The following MTDH variants were observed in gnomAD, a reference collection of about 807,000 sequenced individuals.
The protein encoded by MTDH is protein LYRIC.
Under a neutral mutation model 72.7 loss-of-function variants are expected in MTDH, and 34 were observed. The observed-to-expected ratio is 0.47, with a 90% CI of 0.36 to 0.62. The LOEUF (loss-of-function observed/expected upper bound fraction) is 0.62, where lower values mean the gene tolerates loss of function less well. Among genes scored for constraint, MTDH ranks in the 20% least tolerant of loss-of-function variants. The probability of loss-of-function intolerance (pLI) is 0.00; values close to 1 mark genes in which losing one functional copy is unlikely to be tolerated. For synonymous variants in MTDH, 266 were observed against 268.9 expected, an observed-to-expected ratio of 0.99 and a Z score of 0.10; for missense variants, 677 against 699.4, an observed-to-expected ratio of 0.97 and a Z score of 0.36.
intron 2 of MTDH, among the ~76,000 whole-genome samples, chr8:97,682,847 G>A (rs1813190781): frequency 6.6e-6 from 1 of 151,810 alleles, no homozygotes; most frequent in African/African-American, 2.4e-5. Flanking sequence ...AGGTTAGTAG[G>A]AATTTTTGTC....
At chr8:97,673,682 G>A (rs148662375) in intron 2 of MTDH, among the ~76,000 whole-genome samples, 63 of 147,142 alleles carry the variant, frequency 4.3e-4, no homozygotes, top group African/African-American at 1.5e-3. Flanking sequence ...GGAAGGGGGG[G>A]CACAGGAATT....
chr8:97,686,988 G>A (rs1813391084), intron 3 of MTDH, among the ~76,000 whole-genome samples: 1 of 152,066 alleles, frequency 6.6e-6, no homozygotes, highest in South Asian at 2.1e-4. Flanking sequence ...AGTATTTTGA[G>A]CAATTAAAAA....
intron 1 of MTDH, among the ~76,000 whole-genome samples, chr8:97,658,207 T>A (rs1171040719): frequency 3.8e-5 from 4 of 104,024 alleles, no homozygotes; most frequent in African/African-American, 1.5e-4. Context: ...AGTGGAAAAT[T>A]GGGAGATCTA....
At chr8:97,671,051 C>T (rs1014759328) in intron 2 of MTDH, among the ~76,000 whole-genome samples, 8 of 150,836 alleles carry the variant, frequency 5.3e-5, no homozygotes, top group South Asian at 2.1e-4. Flanking sequence ...CTGCAAGCTC[C>T]GCTTCCCGGG....
chr8:97,729,158 C>T lies in MTDH; in HGVS notation c.*4488C>T, dbSNP rs1291863126. Among the ~76,000 whole-genome samples the T allele has an allele frequency of 2.0e-5, 3 of 149,150 alleles. No individual in the cohort carries two copies. The highest frequency in any genetic ancestry group is 3.0e-5 in the Non-Finnish European group (2 of 67,576). Reference sequence around the variant, plus strand: ...CCCAGGCTGGCCTTGAAGTCCAGGGCTTAAGTGATCCTCCTGCCTTGGCCT... The same window carrying T: ...CCCAGGCTGGCCTTGAAGTCCAGGGTTTAAGTGATCCTCCTGCCTTGGCCT... On this transcript the variant is annotated 3_prime_UTR_variant, in exon 12 of 12. Coordinates refer to ENST00000336273, the MANE Select transcript of MTDH (RefSeq NM_178812.4).
At chr8:97,715,511 C>CA (rs1814829118) in intron 9 of MTDH, among the ~76,000 whole-genome samples, 1 of 152,170 alleles carries the variant, frequency 6.6e-6, no homozygotes, top group Non-Finnish European at 1.5e-5. Flanking sequence ...GAAGCACAAA[C>CA]CCTCATAAAT....
At chr8:97,693,147 T>C (rs957422896) in intron 6 of MTDH, among the ~76,000 whole-genome samples, 21 of 152,236 alleles carry the variant, frequency 1.4e-4, no homozygotes, top group Non-Finnish European at 2.1e-4. Context: ...AAGAGAGTTG[T>C]TCTAATTTAT....
chr8:97,704,970 T>A (rs1203459071), intron 7 of MTDH, among the ~76,000 whole-genome samples: 1 of 152,122 alleles, frequency 6.6e-6, no homozygotes, highest in African/African-American at 2.4e-5. Context: ...TGGAATAGAA[T>A]AGAAATTGCA....
chr8:97,660,800 C>T (rs1003945842), intron 1 of MTDH, among the ~76,000 whole-genome samples: 5 of 151,974 alleles, frequency 3.3e-5, no homozygotes, highest in Admixed American at 3.3e-4. Flanking sequence ...CTTTTAACTG[C>T]TTCCATTCCA....
chr8:97,699,666 G>C (rs541163318), intron 6 of MTDH, 88 bp from the exon 7 acceptor site: 1 of 770,934 alleles, frequency 1.3e-6, no homozygotes, highest in African/African-American at 1.7e-5. Flanking sequence ...TAAAAATAAA[G>C]TCTCCGTGTC....
intron 2 of MTDH, among the ~76,000 whole-genome samples, chr8:97,664,164 TG>T (rs1402268622): frequency 6.6e-6 from 1 of 152,164 alleles, no homozygotes; most frequent in Admixed American, 6.6e-5. Flanking sequence ...GAGATCAGCC[TG>T]GTCAACATGG....
At chr8:97,710,044 A>C (rs1814555499) in intron 8 of MTDH, among the ~76,000 whole-genome samples, 2 of 152,190 alleles carry the variant, frequency 1.3e-5, no homozygotes, top group Non-Finnish European at 2.9e-5. Context: ...GTATCTATTC[A>C]TATGGCATTT....
At chr8:97,689,431 A>G (rs1187240124) in intron 5 of MTDH, among the ~76,000 whole-genome samples, 1 of 151,700 alleles carries the variant, frequency 6.6e-6, no homozygotes, top group Non-Finnish European at 1.5e-5. Context: ...TTAATATAGC[A>G]TATATCGGAT....
intron 2 of MTDH, among the ~76,000 whole-genome samples, chr8:97,677,490 C>CAA (rs934211630): frequency 2.6e-5 from 2 of 77,178 alleles, no homozygotes; most frequent in African/African-American, 4.4e-5. Context: ...GACTCCATCT[C>CAA]AAAAAAAAAA....
intron 1 of MTDH, among the ~76,000 whole-genome samples, chr8:97,652,251 A>G (rs977722190): frequency 5.9e-5 from 9 of 152,286 alleles, no homozygotes; most frequent in African/African-American, 1.9e-4. Context: ...TTTTCATTCT[A>G]AGCTGAATTT....
intron 2 of MTDH, among the ~76,000 whole-genome samples, chr8:97,674,188 G>A (rs555287898): frequency 3.9e-5 from 6 of 152,146 alleles, no homozygotes; most frequent in Admixed American, 6.6e-5. Context: ...AATCAAGCAC[G>A]GTAAGGAGAT....
chr8:97,665,970 TAC>T (rs896724943), intron 2 of MTDH, among the ~76,000 whole-genome samples: 6 of 151,722 alleles, frequency 4.0e-5, no homozygotes, highest in African/African-American at 1.5e-4. Flanking sequence ...CTACTAAAAA[TAC>T]AAAAAATTAG....
chr8:97,691,268 A>G, intron 6 of MTDH, 80 bp downstream of exon 6: 1 of 1,013,594 alleles, frequency 9.9e-7, no homozygotes, highest in Non-Finnish European at 1.4e-6. Flanking sequence ...ATAGAAAAAA[A>G]AACTATGAAT....
intron 2 of MTDH, among the ~76,000 whole-genome samples, chr8:97,662,772 C>T (rs1812222980): frequency 1.3e-5 from 2 of 148,504 alleles, no homozygotes; most frequent in South Asian, 2.1e-4. Flanking sequence ...GGCGAAAGAG[C>T]GAGACTCTGT....
Sources: gnomAD v4.1 joint callset for allele counts (sites outside exome capture counted in the v4.1 genomes callset) on GRCh38, gnomAD v4.1.1 for gene constraint, MANE v1.5 for transcripts, NCBI Gene and HGNC (gene_info 2026-07-23, HGNC 2026-07-21) for gene names.